Variants in SEC62 observed in about 807,000 individuals in gnomAD.
The protein encoded by SEC62 is SEC62 preprotein translocation factor.
A neutral mutation model predicts 47.5 loss-of-function variants in SEC62; 10 were observed. The ratio of observed to expected loss-of-function variants is 0.21; its 90% CI spans 0.13 to 0.36. The LOEUF (loss-of-function observed/expected upper bound fraction) is 0.36, where lower values mean the gene tolerates loss of function less well. Among genes scored for constraint, SEC62 ranks in the 10% least tolerant of loss-of-function variants. The pLI is 1.00. For synonymous variants in SEC62, 136 were observed against 150.5 expected (o/e 0.90, Z 0.71); for missense variants, 327 against 464.1 (o/e 0.70, Z 2.71).
Position 169,982,742 on chromosome 3 carries a change from A to G in SEC62, c.287A>G (p.Lys96Arg). Reference protein sequence around the residue: ...LKKQFFHRALKVMKMKYDKDI... With the variant: ...LKKQFFHRALRVMKMKYDKDI... ...AAGCAGTTTTTTCACCGAGCCCTAA[A>G]AGTAATGAAAATGAAATATGATAAA... Residue 96 changes from lysine (K) to arginine (R), a missense_variant, in exon 4 of 8, where the codon AAA (lysine) becomes AGA (arginine). Lys to Arg is a conservative substitution (Grantham distance 26). Around this residue, in one of 3 missense-constraint regions of SEC62, gnomAD observed 126 missense variants for 161.2 expected, o/e 0.78. Transcript: ENST00000337002. 1.2e-6 allele frequency: 2 copies of G among 1,609,104 alleles called. No homozygotes were observed. Among genetic ancestry groups the G allele is most frequent in the South Asian group, 1.1e-5 (1 of 90,524 alleles).
At chr3:169,972,580 CTTTT>C (rs11391826) in intron 1 of SEC62, among the ~76,000 whole-genome samples, 3 of 114,960 alleles carry the variant, frequency 2.6e-5, no homozygotes, top group Non-Finnish European at 5.2e-5. Context: ...CTTTTTCTAT[CTTTT>C]TTTTTTTTTT....
chr3:169,974,307 G>A (rs1258897197), intron 1 of SEC62, among the ~76,000 whole-genome samples: 1 of 152,192 alleles, frequency 6.6e-6, no homozygotes, highest in Non-Finnish European at 1.5e-5. Flanking sequence ...GCTTAAGCAT[G>A]CAATTATAGA....
intron 1 of SEC62, among the ~76,000 whole-genome samples, chr3:169,974,157 T>G (rs934398398): frequency 6.6e-6 from 1 of 152,254 alleles, no homozygotes; most frequent in African/African-American, 2.4e-5. Flanking sequence ...TCTTTAGCAT[T>G]AATTCTTAGC....
intron 3 of SEC62, among the ~76,000 whole-genome samples, chr3:169,979,294 G>C (rs1714916678): frequency 1.3e-5 from 2 of 152,102 alleles, no homozygotes; most frequent in Non-Finnish European, 2.9e-5. Context: ...ATCACAAAGG[G>C]TCTCTTGACC....
chr3:169,983,943 T>G (rs1343253765), intron 5 of SEC62: 1 of 152,204 alleles, frequency 6.6e-6, no homozygotes, highest in Non-Finnish European at 1.5e-5. Context: ...GGCTTAAAAT[T>G]TTTAACATTT....
chr3:169,980,795 G>A (rs74938105), intron 3 of SEC62, among the ~76,000 whole-genome samples: 1,771 of 152,230 alleles, frequency 0.012, 44 homozygotes, highest in African/African-American at 0.041. Context: ...TATACTTCAA[G>A]TATCTGTATG....
At chr3:169,977,183 T>G (rs895216297) in intron 3 of SEC62, 132 bp downstream of exon 3, 18 of 506,218 alleles carry the variant, frequency 3.6e-5, no homozygotes, top group Non-Finnish European at 5.9e-5. Flanking sequence ...GTAACCTGAT[T>G]TCTTTGGTAC....
chr3:169,990,011 ATAT>A (rs945254608), intron 7 of SEC62, among the ~76,000 whole-genome samples: 253 of 98,004 alleles, frequency 2.6e-3, no homozygotes, highest in East Asian at 0.016. Context: ...ATATATCATA[ATAT>A]TATATATCAT....
intron 1 of SEC62, 115 bp downstream of exon 1, chr3:169,966,973 G>T: frequency 4.0e-6 from 4 of 990,854 alleles, no homozygotes; most frequent in South Asian, 3.2e-5. Flanking sequence ...GGGGTGGGGT[G>T]GGGTTCCGCC....
chr3:169,972,426 C>G (rs1233463331), intron 1 of SEC62, among the ~76,000 whole-genome samples: 1 of 152,054 alleles, frequency 6.6e-6, no homozygotes, highest in Non-Finnish European at 1.5e-5. Context: ...GATAATCTCA[C>G]TCCTAATTTG....
In SEC62 at chr3:169,985,485, G is replaced by A. The variant is rs143350235; in HGVS notation, c.550-320G>A. The stretch of plus-strand genomic sequence containing the variant: ...TTGAACTCCTGACCTCAAGTGATCT[G>A]CCCGCCTTGGCCTCCAAAGTGCTGG... On this transcript the variant is annotated intron_variant, in intron 5 of 7. Coordinates refer to ENST00000337002, the MANE Select transcript of SEC62 (RefSeq NM_003262.4). 4.1e-5 allele frequency: 7 copies of A among 171,760 alleles called. No individual in the cohort carries two copies. The East Asian group carries it at 1.1e-3, about 27-fold the overall frequency. The allele number at this position is 171,760 out of a possible 1,614,324, so 10.6% of individuals were successfully genotyped here. A position where few individuals can be genotyped will look rare whatever the true frequency, so the allele number is the denominator to read the frequency against.
chr3:169,990,927 CAGAATTGTCTAA>C (rs1715234764), intron 7 of SEC62, among the ~76,000 whole-genome samples: 1 of 152,078 alleles, frequency 6.6e-6, no homozygotes, highest in African/African-American at 2.4e-5. Context: ...AAAACAGTGA[CAGAATTGTCTAA>C]AGAAAACAAA....
At position 169,992,147 on chromosome 3, in the gene SEC62, C is replaced by A. The variant is rs966685105; in HGVS notation, c.731-447C>A. 3.3e-5 allele frequency among the ~76,000 whole-genome samples: 5 copies of A among 152,130 alleles called. No homozygotes were observed. Among genetic ancestry groups the A allele is most frequent in the Admixed American group, 3.3e-4 (5 of 15,272 alleles). ...ATCTTATGAATACTTAAATTCCCAA[C>A]TGATTGCTATGTGTATTGAAGCATA... On this transcript the variant is annotated intron_variant, in intron 7 of 7. Coordinates refer to ENST00000337002, the MANE Select transcript of SEC62 (RefSeq NM_003262.4). The surrounding 1 kb of genome is among the most constrained non-coding windows in gnomAD (Gnocchi z 4.0).
intron 6 of SEC62, among the ~76,000 whole-genome samples, chr3:169,987,092 A>T (rs1715127499): frequency 6.6e-6 from 1 of 152,118 alleles, no homozygotes; most frequent in African/African-American, 2.4e-5. Context: ...TAGCAGTTAA[A>T]ATAAGCTTGG....
Position 169,995,965 on chromosome 3 carries a change from C to T in SEC62, c.*2902C>T, listed in dbSNP as rs1207838200. 6.6e-6 allele frequency: 1 copy of T among 152,126 alleles called. No individual in the cohort carries two copies. The highest frequency in any genetic ancestry group is 2.4e-5 in the African/African-American group (1 of 41,410). The allele number at this position is 152,126 out of a possible 1,614,324, so 9.4% of individuals were successfully genotyped here. A position where few individuals can be genotyped will look rare whatever the true frequency, so the allele number is the denominator to read the frequency against. ...TTTTACCCTTAGGAACAGCTTTTTGCCCTTAGCACTATGCTTGGGGGCCAT... is the reference window on the plus strand; with the variant it reads ...TTTTACCCTTAGGAACAGCTTTTTGTCCTTAGCACTATGCTTGGGGGCCAT... On this transcript the variant is annotated 3_prime_UTR_variant, in exon 8 of 8. Coordinates refer to ENST00000337002, the MANE Select transcript of SEC62 (RefSeq NM_003262.4).
chr3:169,982,679 T>G, intron 3 of SEC62, 28 bp from the exon 4 acceptor site: 6 of 1,600,758 alleles, frequency 3.7e-6, no homozygotes, highest in Non-Finnish European at 5.1e-6. Context: ...ATATGGGGAG[T>G]GTAATGCCAT....
rs771004739 is a variant in SEC62, at chr3:169,992,714, A to G, written c.851A>G (p.His284Arg). The change falls in exon 8 of 8, where the codon CAT becomes CGT. Residue 284 changes from histidine to arginine, a missense_variant. By Grantham distance (29) the His-to-Arg change is conservative (BLOSUM62 0). This residue lies in a region of SEC62 where 99 missense variants were observed against 194.0 expected (regional missense o/e 0.51). Transcript: ENST00000337002. The surrounding 1 kb of genome is among the most constrained non-coding windows in gnomAD (Gnocchi z 4.0). ...FIDSFRPLYTHEYKGPKADLK... is the reference protein window; with the variant it reads ...FIDSFRPLYTREYKGPKADLK... ...GACTCCTTCAGGCCTCTGTACACAC[A>G]TGAATACAAAGGACCAAAAGCAGAC... 14 of 1,614,066 alleles carry G rather than the reference A, an allele frequency of 8.7e-6. No individual in the cohort carries two copies. Among genetic ancestry groups the G allele is most frequent in the Non-Finnish European group, 1.2e-5 (14 of 1,180,040 alleles).
Position 169,994,231 on chromosome 3 carries a change from G to A in SEC62, c.*1168G>A, listed in dbSNP as rs1215035771. The A allele has an allele frequency of 3.9e-5, 6 of 152,504 alleles. No individual in the cohort carries two copies. Among genetic ancestry groups the A allele is most frequent in the African/African-American group, 7.2e-5 (3 of 41,418 alleles). 9.4% of individuals were successfully genotyped at this position (152,504 alleles called of 1,614,324 possible). A position where few individuals can be genotyped will look rare whatever the true frequency, so the allele number is the denominator to read the frequency against. On this transcript the variant is annotated 3_prime_UTR_variant, in exon 8 of 8. Coordinates refer to ENST00000337002, the MANE Select transcript of SEC62 (RefSeq NM_003262.4). ...AACTAGTTTTGCAGTTTGACTTTAC[G>A]TCTTATACATCTTAGTTACAAGTCT... is the stretch of plus-strand genomic sequence containing the variant.
At chr3:169,967,931 G>C (rs1714593952) in intron 1 of SEC62, among the ~76,000 whole-genome samples, 1 of 149,036 alleles carries the variant, frequency 6.7e-6, no homozygotes, top group African/African-American at 2.5e-5. Context: ...CAGATGTTTT[G>C]AGCTATGCAA....
Sources: gnomAD v4.1 joint callset for allele counts (sites outside exome capture counted in the v4.1 genomes callset) on GRCh38, gnomAD v4.1.1 for gene constraint, gnomAD v4.1.1 regional missense constraint, Gnocchi (gnomAD v3.1) non-coding constraint, MANE v1.5 for transcripts, NCBI Gene and HGNC (gene_info 2026-07-23, HGNC 2026-07-21) for gene names.